Variants in SGCZ observed in about 807,000 individuals in gnomAD.
The protein encoded by SGCZ is sarcoglycan zeta, also known as zeta-sarcoglycan.
A neutral mutation model predicts 41.3 loss-of-function variants in SGCZ; 40 were observed. The observed-to-expected ratio is 0.97, with a 90% CI of 0.75 to 1.26. SGCZ has a LOEUF of 1.26. SGCZ is among the 50% of genes most tolerant of loss of function. The pLI, the probability that SGCZ is intolerant of heterozygous loss-of-function variation, is 0.00. For synonymous variants in SGCZ, 206 were observed against 137.5 expected (o/e 1.50, Z -3.49); for missense variants, 552 against 369.8 (o/e 1.49, Z -4.04).
At chr8:14,792,744 C>A (rs1800996271) in intron 1 of SGCZ, among the ~76,000 whole-genome samples, 2 of 151,910 alleles carry the variant, frequency 1.3e-5, no homozygotes, top group African/African-American at 4.8e-5. Context: ...TCTTTAAGCA[C>A]CTAAAGGTCC....
chr8:14,352,342 G>T (rs1045539266), intron 2 of SGCZ, among the ~76,000 whole-genome samples: 1 of 151,996 alleles, frequency 6.6e-6, no homozygotes, highest in East Asian at 1.9e-4. Flanking sequence ...CTTATATTAA[G>T]GGTAAATTTT....
chr8:14,098,843 C>T (rs1801924687), intron 7 of SGCZ, among the ~76,000 whole-genome samples: 1 of 152,070 alleles, frequency 6.6e-6, no homozygotes, highest in African/African-American at 2.4e-5. Flanking sequence ...ATGGAGGCCT[C>T]ATCAATGGAG....
intron 1 of SGCZ, among the ~76,000 whole-genome samples, chr8:15,065,341 G>C (rs890521290): frequency 2.6e-5 from 4 of 151,804 alleles, no homozygotes; most frequent in Admixed American, 1.3e-4. Context: ...CTCTTCCTCT[G>C]ACCCAGGAGG....
chr8:14,170,206 C>G (rs901094398), intron 4 of SGCZ, among the ~76,000 whole-genome samples: 2 of 151,970 alleles, frequency 1.3e-5, no homozygotes, highest in South Asian at 2.1e-4. Context: ...TCCACACGTA[C>G]AAATCCTCAG....
intron 1 of SGCZ, among the ~76,000 whole-genome samples, chr8:14,728,367 A>G (rs1231322218): frequency 7.0e-6 from 1 of 141,858 alleles, no homozygotes; most frequent in African/African-American, 2.7e-5. Context: ...AGTAGAACCA[A>G]AAGAGTGGAA....
intron 2 of SGCZ, among the ~76,000 whole-genome samples, chr8:14,471,035 T>A (rs1563350982): frequency 6.6e-6 from 1 of 152,152 alleles, no homozygotes; most frequent in Non-Finnish European, 1.5e-5. Context: ...TTCATTTATT[T>A]GAATACTTTG....
intron 1 of SGCZ, among the ~76,000 whole-genome samples, chr8:14,998,434 T>A (rs1802296086): frequency 6.6e-6 from 1 of 152,228 alleles, no homozygotes; most frequent in South Asian, 2.1e-4. Flanking sequence ...GGAGCGTGAC[T>A]TTAACAGCAG....
chr8:15,059,818 T>A (rs1299329065), intron 1 of SGCZ, among the ~76,000 whole-genome samples: 1 of 152,184 alleles, frequency 6.6e-6, no homozygotes, highest in African/African-American at 2.4e-5. Flanking sequence ...GAACTCCCGG[T>A]TAATGCCTTC....
intron 1 of SGCZ, among the ~76,000 whole-genome samples, chr8:15,050,221 T>A (rs1045099007): frequency 6.6e-6 from 1 of 152,188 alleles, no homozygotes; most frequent in Non-Finnish European, 1.5e-5. Flanking sequence ...GTACCATATG[T>A]AGGCATGAGA....
At chr8:14,239,867 A>G (rs1346801391) in intron 3 of SGCZ, among the ~76,000 whole-genome samples, 66 of 135,292 alleles carry the variant, frequency 4.9e-4, no homozygotes, top group African/African-American at 1.9e-3. Flanking sequence ...CCACCACTGC[A>G]CTCCAGCCTG....
intron 1 of SGCZ, among the ~76,000 whole-genome samples, chr8:14,874,253 T>C (rs909603798): frequency 6.6e-6 from 1 of 152,180 alleles, no homozygotes; most frequent in East Asian, 1.9e-4. Flanking sequence ...ACTCTTGCTA[T>C]AGTCAATCTG....
At chr8:14,650,680 A>C (rs1234646074) in intron 1 of SGCZ, among the ~76,000 whole-genome samples, 4 of 152,060 alleles carry the variant, frequency 2.6e-5, no homozygotes, top group Non-Finnish European at 5.9e-5. Flanking sequence ...GATTAGTAAA[A>C]CTATGGGATC....
intron 1 of SGCZ, among the ~76,000 whole-genome samples, chr8:14,706,931 A>G (rs1375204091): frequency 6.6e-6 from 1 of 151,918 alleles, no homozygotes; most frequent in East Asian, 1.9e-4. Context: ...ATTATTTAGA[A>G]GAAAATTTTC....
intron 7 of SGCZ, among the ~76,000 whole-genome samples, chr8:14,098,809 C>T (rs1408404104): frequency 6.6e-6 from 1 of 152,100 alleles, no homozygotes; most frequent in Non-Finnish European, 1.5e-5. Context: ...TTGCAGGTGA[C>T]AGCCTTAGAA....
intron 1 of SGCZ, among the ~76,000 whole-genome samples, chr8:15,153,921 G>C (rs1247955934): frequency 1.3e-5 from 2 of 152,114 alleles, no homozygotes; most frequent in Non-Finnish European, 2.9e-5. Context: ...CAGGGATGTA[G>C]GGGTGGGTGA....
intron 3 of SGCZ, among the ~76,000 whole-genome samples, chr8:14,257,341 T>C (rs1484962102): frequency 7.1e-6 from 1 of 141,752 alleles, no homozygotes; most frequent in Non-Finnish European, 1.6e-5. Context: ...AGTGAGACCC[T>C]GTCTCCAGAA....
chr8:15,118,658 A>AC (rs1488496018), intron 1 of SGCZ, among the ~76,000 whole-genome samples: 2 of 152,108 alleles, frequency 1.3e-5, no homozygotes. Context: ...TAAGGTTGAG[A>AC]CCCTCTGATC....
chr8:14,832,897 T>C (rs1268802390), intron 1 of SGCZ, among the ~76,000 whole-genome samples: 1 of 152,186 alleles, frequency 6.6e-6, no homozygotes, highest in Non-Finnish European at 1.5e-5. Flanking sequence ...TTTTTAACTA[T>C]AATATCTTGC....
At position 14,832,638 on chromosome 8, in the gene SGCZ, G is replaced by A. The variant is rs114663923; in HGVS notation, c.40-277712C>T. ...TGGAAGGCAAAAGGAGACATGAAAGGGTGTCTGCAGTTCTGGTAATGTTCT... is the reference window on the plus strand; with the variant it reads ...TGGAAGGCAAAAGGAGACATGAAAGAGTGTCTGCAGTTCTGGTAATGTTCT... On this transcript the variant is annotated intron_variant, in intron 1 of 7. Transcript: ENST00000382080. 8.3e-3 allele frequency among the ~76,000 whole-genome samples: 1,270 copies of A among 152,174 alleles called. 7 individuals are homozygous for A. Among genetic ancestry groups the A allele is most frequent in the African/African-American group, 0.029 (1,200 of 41,536 alleles).
Sources: gnomAD v4.1 joint callset for allele counts (sites outside exome capture counted in the v4.1 genomes callset) on GRCh38, gnomAD v4.1.1 for gene constraint, MANE v1.5 for transcripts, NCBI Gene and HGNC (gene_info 2026-07-23, HGNC 2026-07-21) for gene names.